Variants in MAF observed in about 807,000 individuals in gnomAD.
MAF encodes MAF bZIP transcription factor, also known as transcription factor Maf.
In MAF, 10 loss-of-function variants were observed where a neutral mutation model predicts 22.0. The ratio of observed to expected loss-of-function variants is 0.45; its 90% CI spans 0.28 to 0.77. The LOEUF is 0.77. Among genes scored for constraint, MAF ranks in the 30% least tolerant of loss-of-function variants. The pLI is 0.12. For synonymous variants in MAF, 337 were observed against 255.8 expected, an observed-to-expected ratio of 1.32 and a Z score of -3.03; for missense variants, 544 against 548.4, an observed-to-expected ratio of 0.99 and a Z score of 0.08.
At chr16:79,315,600 A>G in the MAF span, among the ~76,000 whole-genome samples, 3 of 152,188 alleles carry the variant, frequency 2.0e-5, no homozygotes, top group Admixed American at 6.5e-5. Context: ...TAGCTTTCCC[A>G]AGTTCCTAAT....
the MAF span, among the ~76,000 whole-genome samples, chr16:79,557,843 T>G: frequency 2.0e-5 from 3 of 152,146 alleles, no homozygotes; most frequent in East Asian, 5.8e-4. Context: ...TTGAGCATTA[T>G]GAAGGAGACA....
chr16:79,431,202 A>G, the MAF span, among the ~76,000 whole-genome samples: 8 of 152,170 alleles, frequency 5.3e-5, no homozygotes, highest in South Asian at 1.7e-3. Context: ...TGAACAACCT[A>G]CTCAACCATA....
chr16:79,335,762 T>C, the MAF span, among the ~76,000 whole-genome samples: 1 of 152,170 alleles, frequency 6.6e-6, no homozygotes, highest in Non-Finnish European at 1.5e-5. Context: ...CAAACTAGGA[T>C]GGGTCTTGGC....
At chr16:79,466,013 T>C in the MAF span, among the ~76,000 whole-genome samples, 4,941 of 152,290 alleles carry the variant, frequency 0.032, 114 homozygotes, top group South Asian at 0.069. Flanking sequence ...AATAAAAGGA[T>C]GAATGAATGA....
chr16:79,428,064 C>A, the MAF span, among the ~76,000 whole-genome samples: 1 of 140,550 alleles, frequency 7.1e-6, no homozygotes, highest in East Asian at 2.2e-4. Flanking sequence ...TGCACTCTAG[C>A]CCAGGCGACA....
intron 1 of MAF, among the ~76,000 whole-genome samples, chr16:79,588,260 G>T (rs956072392): frequency 1.3e-5 from 2 of 152,154 alleles, no homozygotes; most frequent in African/African-American, 4.8e-5. Context: ...CCGAGTCACA[G>T]AAAGTCTGGC....
the MAF span, among the ~76,000 whole-genome samples, chr16:79,564,098 C>A: frequency 1.3e-5 from 2 of 152,242 alleles, no homozygotes; most frequent in Non-Finnish European, 2.9e-5. Context: ...TTCCCTCCCC[C>A]ATGGCCACTG....
At chr16:79,512,131 T>C in the MAF span, among the ~76,000 whole-genome samples, 2 of 152,216 alleles carry the variant, frequency 1.3e-5, no homozygotes, top group African/African-American at 2.4e-5. Context: ...CCATAGCTCT[T>C]TGAATGACAA....
At chr16:79,276,972 T>G in the MAF span, among the ~76,000 whole-genome samples, 6 of 152,138 alleles carry the variant, frequency 3.9e-5, no homozygotes, top group African/African-American at 1.4e-4. Context: ...CTCCAATCTC[T>G]GTTCTCATTT....
chr16:79,242,027 G>C, the MAF span, among the ~76,000 whole-genome samples: 1 of 151,982 alleles, frequency 6.6e-6, no homozygotes, highest in Non-Finnish European at 1.5e-5. Context: ...TGCCTTACAA[G>C]AGCTCCTGAA....
chr16:79,303,915 A>C, the MAF span, among the ~76,000 whole-genome samples: 1 of 152,192 alleles, frequency 6.6e-6, no homozygotes, highest in Non-Finnish European at 1.5e-5. Context: ...GGGGAGAAAA[A>C]AAAGAGAGAG....
At chr16:79,363,772 A>AC in the MAF span, among the ~76,000 whole-genome samples, 60 of 152,304 alleles carry the variant, frequency 3.9e-4, no homozygotes, top group African/African-American at 1.3e-3. Flanking sequence ...AGACTTGGTA[A>AC]GAGTTGTAAA....
chr16:79,239,968 G>A, the MAF span, among the ~76,000 whole-genome samples: 1 of 152,002 alleles, frequency 6.6e-6, no homozygotes, highest in Non-Finnish European at 1.5e-5. Context: ...GAGGATGTGT[G>A]TAGCCATGCC....
the MAF span, among the ~76,000 whole-genome samples, chr16:79,325,598 AACACACACAC>A: frequency 8.2e-5 from 12 of 145,608 alleles, no homozygotes; most frequent in East Asian, 2.0e-4. Context: ...CCCAGACACA[AACACACACAC>A]ACACACACAC....
chr16:79,568,541 A>G, the MAF span, among the ~76,000 whole-genome samples: 1 of 152,212 alleles, frequency 6.6e-6, no homozygotes, highest in African/African-American at 2.4e-5. Flanking sequence ...CTGAGGCTAG[A>G]AACATGAGGT....
At chr16:79,525,373 C>T in the MAF span, among the ~76,000 whole-genome samples, 405 of 152,262 alleles carry the variant, frequency 2.7e-3, 1 homozygote, top group African/African-American at 9.0e-3. Context: ...GCTCTGTCCA[C>T]GGCCATGCGC....
At chr16:79,565,716 G>C in the MAF span, among the ~76,000 whole-genome samples, 1 of 152,106 alleles carries the variant, frequency 6.6e-6, no homozygotes, top group African/African-American at 2.4e-5. Context: ...TGAACTCTGA[G>C]TCAACTAAAC....
the MAF span, chr16:79,204,514 T>C: frequency 4.6e-5 from 7 of 152,272 alleles, no homozygotes; most frequent in South Asian, 1.0e-3. Context: ...CTCGTCCCAT[T>C]TAAGGCTAGA....
chr16:79,381,485 G>A, the MAF span, among the ~76,000 whole-genome samples: 4 of 152,218 alleles, frequency 2.6e-5, no homozygotes, highest in East Asian at 7.7e-4. Flanking sequence ...GCTAATGACG[G>A]TGCCTAAAAG....
Sources: allele counts gnomAD v4.1 joint callset (sites outside exome capture counted in the v4.1 genomes callset), GRCh38; gene constraint gnomAD v4.1.1; transcripts MANE v1.5; gene names NCBI Gene and HGNC (gene_info 2026-07-23, HGNC 2026-07-21).